SGCZ: variants seen among roughly 807,000 people sequenced by gnomAD.
SGCZ encodes the protein zeta-sarcoglycan.
A neutral mutation model predicts 41.3 loss-of-function variants in SGCZ; 40 were observed. The ratio of observed to expected loss-of-function variants is 0.97; its 90% CI spans 0.75 to 1.26. The LOEUF is 1.26. SGCZ is among the 50% of genes most tolerant of loss of function. The probability of loss-of-function intolerance (pLI) is 0.00; values close to 1 mark genes in which losing one functional copy is unlikely to be tolerated. For synonymous variants in SGCZ, 206 were observed against 137.5 expected, an observed-to-expected ratio of 1.50 and a Z score of -3.49; for missense variants, 552 against 369.8, an observed-to-expected ratio of 1.49 and a Z score of -4.04.
At chr8:14,696,227 C>T (rs930195976) in intron 1 of SGCZ, among the ~76,000 whole-genome samples, 2 of 152,060 alleles carry the variant, frequency 1.3e-5, no homozygotes, top group African/African-American at 4.8e-5. Context: ...TCTAAAACTC[C>T]TCTAAACTGT....
intron 2 of SGCZ, among the ~76,000 whole-genome samples, chr8:14,360,390 A>T (rs1267796555): frequency 6.6e-6 from 1 of 151,368 alleles, no homozygotes; most frequent in Non-Finnish European, 1.5e-5. Flanking sequence ...CTGGAGCATG[A>T]TCTCAACTCG....
At chr8:15,162,119 T>G (rs62499836) in intron 1 of SGCZ, among the ~76,000 whole-genome samples, 1 of 152,190 alleles carries the variant, frequency 6.6e-6, no homozygotes, top group Non-Finnish European at 1.5e-5. Flanking sequence ...AAAGTTTGTA[T>G]TGGATGAAGA....
chr8:14,204,363 G>A (rs1390342314), intron 4 of SGCZ, among the ~76,000 whole-genome samples: 3 of 151,416 alleles, frequency 2.0e-5, no homozygotes, highest in African/African-American at 7.3e-5. Flanking sequence ...CATGGAATGC[G>A]ACATTCTGTC....
chr8:14,102,340 C>T, intron 7 of SGCZ, 36 bp downstream of exon 7: 3 of 1,383,956 alleles, frequency 2.2e-6, no homozygotes, highest in South Asian at 1.9e-5. Flanking sequence ...TCAAAGTGGG[C>T]AGTATAGGGC....
chr8:14,401,194 T>C (rs990159648), intron 2 of SGCZ, among the ~76,000 whole-genome samples: 2 of 152,194 alleles, frequency 1.3e-5, no homozygotes, highest in Non-Finnish European at 2.9e-5. Flanking sequence ...CTTACCTTTC[T>C]TTGCATTATG....
chr8:15,021,102 C>T (rs1490191709), intron 1 of SGCZ, among the ~76,000 whole-genome samples: 1 of 152,002 alleles, frequency 6.6e-6, no homozygotes, highest in Non-Finnish European at 1.5e-5. Flanking sequence ...ACAAAATGCC[C>T]CAACAAGAGA....
chr8:14,164,900 G>A, intron 4 of SGCZ, 198 bp from the exon 5 acceptor site: 1 of 631,706 alleles, frequency 1.6e-6, no homozygotes, highest in Non-Finnish European at 2.6e-6. Flanking sequence ...TGCTAGGCTG[G>A]TTAGGCATAC....
At chr8:14,341,489 T>C (rs1802704030) in intron 2 of SGCZ, among the ~76,000 whole-genome samples, 1 of 152,148 alleles carries the variant, frequency 6.6e-6, no homozygotes. Flanking sequence ...TGAAGTGGGG[T>C]AACATCATTT....
At chr8:14,684,809 T>G (rs1381567270) in intron 1 of SGCZ, among the ~76,000 whole-genome samples, 1 of 152,038 alleles carries the variant, frequency 6.6e-6, no homozygotes, top group Non-Finnish European at 1.5e-5. Context: ...TTCATAACCC[T>G]ATTGGTAGCA....
At chr8:14,682,537 C>G (rs1402492942) in intron 1 of SGCZ, among the ~76,000 whole-genome samples, 1 of 151,738 alleles carries the variant, frequency 6.6e-6, no homozygotes, top group African/African-American at 2.4e-5. Flanking sequence ...CGGGTTCACG[C>G]CATCCTCCTG....
intron 2 of SGCZ, among the ~76,000 whole-genome samples, chr8:14,379,502 G>T (rs1292416467): frequency 6.6e-6 from 1 of 152,062 alleles, no homozygotes; most frequent in East Asian, 1.9e-4. Context: ...CATAGCCCCT[G>T]CTCCCAAGGG....
chr8:14,857,942 T>C (rs930322960), intron 1 of SGCZ, among the ~76,000 whole-genome samples: 7 of 152,116 alleles, frequency 4.6e-5, no homozygotes, highest in African/African-American at 1.7e-4. Context: ...CTTGAATCTT[T>C]TGGAATGGGC....
At chr8:14,264,268 T>G (rs1799783333) in intron 3 of SGCZ, among the ~76,000 whole-genome samples, 2 of 152,132 alleles carry the variant, frequency 1.3e-5, no homozygotes, top group Non-Finnish European at 2.9e-5. Flanking sequence ...AGGGATGCTG[T>G]GTGTTTAAGG....
At chr8:14,653,946 G>C (rs1391446277) in intron 1 of SGCZ, among the ~76,000 whole-genome samples, 2 of 152,054 alleles carry the variant, frequency 1.3e-5, no homozygotes, top group African/African-American at 2.4e-5. Context: ...AGACAGATTT[G>C]TTTTTGTCCA....
At chr8:14,514,270 T>C (rs1563378482) in intron 2 of SGCZ, among the ~76,000 whole-genome samples, 1 of 152,112 alleles carries the variant, frequency 6.6e-6, no homozygotes. Flanking sequence ...TGTCTTCAAA[T>C]GGAGAGGTAA....
At chr8:14,546,365 T>G (rs1331791007) in intron 2 of SGCZ, among the ~76,000 whole-genome samples, 1 of 152,112 alleles carries the variant, frequency 6.6e-6, no homozygotes, top group Admixed American at 6.5e-5. Flanking sequence ...ACCTCCAGAG[T>G]GCTTTCTTAT....
At chr8:14,313,908 CTCTGTGTGTGTGTG>C (rs1356800887) in intron 3 of SGCZ, among the ~76,000 whole-genome samples, 11 of 88,826 alleles carry the variant, frequency 1.2e-4, no homozygotes, top group African/African-American at 3.9e-4. Context: ...TATATCATCT[CTCTGTGTGTGTGTG>C]TGTGTGTGTG....
chr8:14,609,338 A>T (rs1162309263), intron 1 of SGCZ, among the ~76,000 whole-genome samples: 1 of 152,196 alleles, frequency 6.6e-6, no homozygotes, highest in Admixed American at 6.5e-5. Flanking sequence ...TCTCTGTGGA[A>T]AATTACCTTG....
intron 2 of SGCZ, among the ~76,000 whole-genome samples, chr8:14,439,948 G>T (rs1047335154): frequency 6.6e-6 from 1 of 151,488 alleles, no homozygotes; most frequent in Non-Finnish European, 1.5e-5. Flanking sequence ...CCTAATATTT[G>T]GTTCACGGAC....
Sources: gnomAD v4.1 joint callset for allele counts (sites outside exome capture counted in the v4.1 genomes callset) on GRCh38, gnomAD v4.1.1 for gene constraint, MANE v1.5 for transcripts, NCBI Gene and HGNC (gene_info 2026-07-23, HGNC 2026-07-21) for gene names.